The following MTDH variants were observed in gnomAD, a reference collection of about 807,000 sequenced individuals.
MTDH encodes the protein metadherin.
MTDH carries 34 observed loss-of-function variants against 72.7 expected under a neutral mutation model. The observed-to-expected ratio is 0.47, with a 90% CI of 0.36 to 0.62. The LOEUF is 0.62. Ranked by LOEUF, MTDH falls within the 20% of genes least tolerant of loss-of-function variation. The probability of loss-of-function intolerance (pLI) is 0.00; values close to 1 mark genes in which losing one functional copy is unlikely to be tolerated. For synonymous variants in MTDH, 266 were observed against 268.9 expected, an observed-to-expected ratio of 0.99 and a Z score of 0.10; for missense variants, 677 against 699.4, an observed-to-expected ratio of 0.97 and a Z score of 0.36.
At chr8:97,656,391 G>A (rs965936340) in intron 1 of MTDH, among the ~76,000 whole-genome samples, 17 of 139,392 alleles carry the variant, frequency 1.2e-4, no homozygotes, top group African/African-American at 4.6e-4. Context: ...TGCAACCTCC[G>A]CATCCCAGGT....
intron 6 of MTDH, among the ~76,000 whole-genome samples, chr8:97,695,417 T>A (rs1355411530): frequency 6.6e-6 from 1 of 152,110 alleles, no homozygotes. Flanking sequence ...CAGCCTACAA[T>A]TTACTTGTAA....
intron 2 of MTDH, among the ~76,000 whole-genome samples, chr8:97,662,180 G>A (rs567124315): frequency 2.7e-5 from 4 of 150,520 alleles, no homozygotes; most frequent in Non-Finnish European, 4.4e-5. Context: ...TTTGTGCATC[G>A]AATTACCCTC....
chr8:97,700,303 T>C (rs1814056328), intron 7 of MTDH, among the ~76,000 whole-genome samples: 1 of 152,122 alleles, frequency 6.6e-6, no homozygotes. Flanking sequence ...GTTTGTATGT[T>C]CGGAAAGCTC....
chr8:97,690,670 A>G (rs1813564808), intron 5 of MTDH, among the ~76,000 whole-genome samples: 2 of 152,274 alleles, frequency 1.3e-5, no homozygotes, highest in South Asian at 4.1e-4. Context: ...AACTAAGGAA[A>G]TGTCTTCATA....
At chr8:97,656,070 C>T (rs1348287234) in intron 1 of MTDH, among the ~76,000 whole-genome samples, 3 of 152,076 alleles carry the variant, frequency 2.0e-5, no homozygotes, top group Non-Finnish European at 4.4e-5. Context: ...GTAGACTGCC[C>T]TTCTAGTTTC....
At chr8:97,724,001 C>T (rs1815253897) in intron 11 of MTDH, among the ~76,000 whole-genome samples, 1 of 151,902 alleles carries the variant, frequency 6.6e-6, no homozygotes, top group African/African-American at 2.4e-5. Flanking sequence ...CGCAGCTACT[C>T]GGGAGGCTGA....
At position 97,681,586 on chromosome 8, in the gene MTDH, C is replaced by T. The variant is rs1037958372; in HGVS notation, c.484-5082C>T. ...TCAGCTCACTGCAACCTCCGCCTCCCGGGTTCAAGCGATTCTTCTGCCTCA... is the reference window on the plus strand; with the variant it reads ...TCAGCTCACTGCAACCTCCGCCTCCTGGGTTCAAGCGATTCTTCTGCCTCA... On this transcript the variant is annotated intron_variant, in intron 2 of 11. Transcript: ENST00000336273. 2.6e-5 allele frequency among the ~76,000 whole-genome samples: 4 copies of T among 151,046 alleles called. No homozygotes were observed. In the East Asian group the frequency reaches 7.8e-4, roughly 29 times the overall value.
intron 2 of MTDH, among the ~76,000 whole-genome samples, chr8:97,682,269 T>C (rs1161781817): frequency 1.1e-4 from 1 of 9,114 alleles, no homozygotes; most frequent in African/African-American, 4.0e-4. Flanking sequence ...TATATATATA[T>C]ATATATATAT....
chr8:97,714,049 T>TA (rs1814746855), intron 9 of MTDH, among the ~76,000 whole-genome samples: 1 of 152,206 alleles, frequency 6.6e-6, no homozygotes, highest in Non-Finnish European at 1.5e-5. Context: ...GGAAAAGAGA[T>TA]ACAGTATTTT....
chr8:97,675,641 G>A (rs1451842027), intron 2 of MTDH, among the ~76,000 whole-genome samples: 3 of 151,926 alleles, frequency 2.0e-5, no homozygotes, highest in Non-Finnish European at 4.4e-5. Flanking sequence ...GGAGGCTGAG[G>A]TGGGCAAATT....
intron 6 of MTDH, among the ~76,000 whole-genome samples, chr8:97,697,448 C>T (rs1813911907): frequency 7.2e-6 from 1 of 138,362 alleles, no homozygotes; most frequent in Non-Finnish European, 1.5e-5. Flanking sequence ...TGCAGTGGCG[C>T]AATCTCGGCT....
At chr8:97,711,811 T>C (rs1043964425) in intron 8 of MTDH, among the ~76,000 whole-genome samples, 8 of 152,244 alleles carry the variant, frequency 5.3e-5, no homozygotes, top group South Asian at 4.1e-4. Context: ...ATAAAAGTTA[T>C]GTGAATGTGG....
intron 8 of MTDH, among the ~76,000 whole-genome samples, chr8:97,707,444 C>G (rs1257260477): frequency 2.1e-5 from 3 of 143,184 alleles, no homozygotes; most frequent in African/African-American, 5.3e-5. Context: ...GCCACCATGC[C>G]TGGCCTTTTT....
At chr8:97,701,494 A>G (rs532803622) in intron 7 of MTDH, among the ~76,000 whole-genome samples, 41 of 152,314 alleles carry the variant, frequency 2.7e-4, no homozygotes, top group Non-Finnish European at 2.4e-4. Context: ...GAACCCACAA[A>G]TGGAAAACCC....
At position 97,718,624 on chromosome 8, in the gene MTDH, A is replaced by C. The variant is rs562704933; in HGVS notation, c.1381-425A>C. 3.3e-5 allele frequency among the ~76,000 whole-genome samples: 5 copies of C among 150,560 alleles called. No individual in the cohort carries two copies. The South Asian group carries it at 1.0e-3, about 32-fold the overall frequency. ...CAACCTTCACCTCCCAGGCTCAAGC[A>C]ATTCTCATACCTCCTCCTGAGTAGC... On this transcript the variant is annotated intron_variant, in intron 9 of 11. Coordinates refer to ENST00000336273, the MANE Select transcript of MTDH (RefSeq NM_178812.4).
chr8:97,670,952 GTTT>G (rs1160758851), intron 2 of MTDH, among the ~76,000 whole-genome samples: 172 of 77,972 alleles, frequency 2.2e-3, no homozygotes, highest in African/African-American at 8.1e-3. Context: ...TGTTGTTGTT[GTTT>G]TTTTTTTTTT....
intron 3 of MTDH, 88 bp from the exon 4 acceptor site, chr8:97,687,341 A>G: frequency 9.3e-7 from 1 of 1,075,886 alleles, no homozygotes; most frequent in Non-Finnish European, 1.3e-6. Context: ...ATGATATTTT[A>G]TGTGCTCCAC....
At chr8:97,659,166 T>G (rs1340445239) in intron 1 of MTDH, among the ~76,000 whole-genome samples, 1 of 151,954 alleles carries the variant, frequency 6.6e-6, no homozygotes, top group Non-Finnish European at 1.5e-5. Flanking sequence ...ATGATGATAT[T>G]AGAAAGTAAA....
At chr8:97,715,455 A>G (rs1814827033) in intron 9 of MTDH, among the ~76,000 whole-genome samples, 2 of 152,210 alleles carry the variant, frequency 1.3e-5, no homozygotes, top group East Asian at 1.9e-4. Flanking sequence ...AGAAGTTTCT[A>G]CATGGCTTTT....
Sources: gnomAD v4.1 joint callset for allele counts (sites outside exome capture counted in the v4.1 genomes callset) on GRCh38, gnomAD v4.1.1 for gene constraint, MANE v1.5 for transcripts, NCBI Gene and HGNC (gene_info 2026-07-23, HGNC 2026-07-21) for gene names.